The following AK3 variants were observed in gnomAD, a reference collection of about 807,000 sequenced individuals.
AK3 encodes adenylate kinase 3, also known as GTP:AMP phosphotransferase AK3, mitochondrial.
A neutral mutation model predicts 23.7 loss-of-function variants in AK3; 27 were observed. The ratio of observed to expected loss-of-function variants is 1.14; its 90% CI spans 0.84 to 1.57. The LOEUF (loss-of-function observed/expected upper bound fraction) is 1.57, where lower values mean the gene tolerates loss of function less well. Among genes scored for constraint, AK3 ranks in the 40% most tolerant of loss-of-function variants. AK3 has a pLI of 0.00. For synonymous variants in AK3, 159 were observed against 116.0 expected, an observed-to-expected ratio of 1.37 and a Z score of -2.38; for missense variants, 406 against 285.6, an observed-to-expected ratio of 1.42 and a Z score of -3.04.
intron 1 of AK3, among the ~76,000 whole-genome samples, chr9:4,737,572 G>C (rs1842326014): frequency 1.3e-5 from 2 of 152,124 alleles, no homozygotes; most frequent in African/African-American, 4.8e-5. Context: ...AAATTAGCCA[G>C]CCACGGTGGT....
At chr9:4,720,484 G>C (rs575906586) in intron 2 of AK3, among the ~76,000 whole-genome samples, 1 of 152,260 alleles carries the variant, frequency 6.6e-6, no homozygotes, top group East Asian at 1.9e-4. Context: ...AGGAGTTTGA[G>C]ACCAGCCTGG....
At chr9:4,727,221 C>T (rs1222977143) in intron 1 of AK3, among the ~76,000 whole-genome samples, 2 of 152,090 alleles carry the variant, frequency 1.3e-5, no homozygotes, top group East Asian at 3.9e-4. Flanking sequence ...TGCATTAGTC[C>T]CTAGCAAGAG....
Position 4,720,759 on chromosome 9 carries a change from A to T in AK3, c.272-1452T>A, listed in dbSNP as rs182440279. Among the ~76,000 whole-genome samples the T allele has an allele frequency of 4.1e-4, 62 of 152,274 alleles. No homozygotes were observed. The East Asian group carries it at 0.011, about 28-fold the overall frequency. On this transcript the variant is annotated intron_variant, in intron 2 of 4. Transcript: ENST00000381809. ...TGTTAGAGCAAAAATATCATCTGAAAAATTACATTTTCTTGTTAACAATGA... is the reference window on the plus strand; with the variant it reads ...TGTTAGAGCAAAAATATCATCTGAATAATTACATTTTCTTGTTAACAATGA...
At chr9:4,727,998 T>C (rs1842056906) in intron 1 of AK3, among the ~76,000 whole-genome samples, 1 of 152,134 alleles carries the variant, frequency 6.6e-6, no homozygotes, top group Non-Finnish European at 1.5e-5. Flanking sequence ...ATCAATTAAG[T>C]TTGCCATCTT....
intron 1 of AK3, among the ~76,000 whole-genome samples, chr9:4,735,344 C>T (rs1277585685): frequency 5.9e-5 from 4 of 67,544 alleles, no homozygotes; most frequent in Non-Finnish European, 1.2e-4. Flanking sequence ...TATATATATA[C>T]ATATATAAAT....
At chr9:4,721,113 G>A (rs1841883688) in intron 2 of AK3, among the ~76,000 whole-genome samples, 1 of 152,130 alleles carries the variant, frequency 6.6e-6, no homozygotes, top group Non-Finnish European at 1.5e-5. Flanking sequence ...GTTTTAAAAA[G>A]GAGAAGATGC....
At chr9:4,737,066 T>C (rs1842311239) in intron 1 of AK3, among the ~76,000 whole-genome samples, 1 of 150,744 alleles carries the variant, frequency 6.6e-6, no homozygotes, top group Non-Finnish European at 1.5e-5. Context: ...CTACCATAGT[T>C]GAACTATTAT....
intron 1 of AK3, among the ~76,000 whole-genome samples, chr9:4,727,474 C>T (rs1450811078): frequency 2.0e-5 from 3 of 152,230 alleles, no homozygotes; most frequent in Admixed American, 1.3e-4. Context: ...CATGAACCAA[C>T]CTCTGCTAGC....
chr9:4,741,139 T>G lies in AK3; in HGVS notation c.-52A>C. ...CGGGTACCAGGGCTTTGGCCTGGCC[T>G]GCGCGCTCACCCGCTCGGCAGCCTG... On this transcript the variant is annotated 5_prime_UTR_variant, in exon 1 of 5. Coordinates refer to ENST00000381809, the MANE Select transcript of AK3 (RefSeq NM_016282.4). 1.4e-6 allele frequency: 2 copies of G among 1,383,794 alleles called. No individual in the cohort carries two copies. Among genetic ancestry groups the G allele is most frequent in the Non-Finnish European group, 1.9e-6 (2 of 1,068,332 alleles). 85.7% of individuals were successfully genotyped at this position (1,383,794 alleles called of 1,614,324 possible). A position where few individuals can be genotyped will look rare whatever the true frequency, so the allele number is the denominator to read the frequency against.
At chr9:4,719,113 C>G (rs1841819478) in intron 3 of AK3, 22 bp downstream of exon 3, 1 of 1,611,312 alleles carries the variant, frequency 6.2e-7, no homozygotes, top group African/African-American at 1.3e-5. Flanking sequence ...TGCTATGTGA[C>G]AGTTCCACAA....
In AK3 at chr9:4,718,883, C is replaced by G. The variant is rs570673787; in HGVS notation, c.444+252G>C. 2.2e-4 allele frequency among the ~76,000 whole-genome samples: 33 copies of G among 152,332 alleles called. No homozygotes were observed. In the South Asian group the frequency reaches 6.8e-3, roughly 32 times the overall value. ...GTGTTATGAATCTCTATCAGCGCAA[C>G]TCCTAACACACTCCTTGGCAGAGCA... On this transcript the variant is annotated intron_variant, in intron 3 of 4. Transcript: ENST00000381809.
At chr9:4,715,134 G>A (rs1340571848) in intron 4 of AK3, among the ~76,000 whole-genome samples, 3 of 145,586 alleles carry the variant, frequency 2.1e-5, no homozygotes, top group Non-Finnish European at 3.0e-5. Context: ...CATAAGAATC[G>A]CTTGAACCTG....
At chr9:4,714,523 T>A (rs75894032) in intron 4 of AK3, among the ~76,000 whole-genome samples, 4,011 of 152,304 alleles carry the variant, frequency 0.026, 183 homozygotes, top group African/African-American at 0.089. Context: ...CACCTGGTAC[T>A]GCTTTCAAGG....
intron 3 of AK3, 113 bp from the exon 4 acceptor site, chr9:4,718,650 A>G: frequency 2.6e-6 from 2 of 782,986 alleles, no homozygotes; most frequent in Non-Finnish European, 2.0e-6. Context: ...AAGCACAAAA[A>G]TGTGCTAACT....
At chr9:4,740,916 C>T (rs1474926852) in intron 1 of AK3, 21 bp downstream of exon 1, 4 of 1,532,872 alleles carry the variant, frequency 2.6e-6, no homozygotes, top group Admixed American at 2.0e-5. Context: ...GCACGGCCGG[C>T]CCTGGGCCCA....
chr9:4,734,935 A>C (rs1256584501), intron 1 of AK3, among the ~76,000 whole-genome samples: 2 of 152,136 alleles, frequency 1.3e-5, no homozygotes, highest in African/African-American at 4.8e-5. Context: ...TTTGTATGAA[A>C]TGTCCAGTAC....
chr9:4,716,366 A>G (rs567144768), intron 4 of AK3, among the ~76,000 whole-genome samples: 1 of 152,308 alleles, frequency 6.6e-6, no homozygotes, highest in East Asian at 1.9e-4. Context: ...ATTGCTGACA[A>G]TGAATGATTT....
chr9:4,735,380 TAC>T (rs1334599103), intron 1 of AK3, among the ~76,000 whole-genome samples: 7 of 122,716 alleles, frequency 5.7e-5, no homozygotes, highest in Admixed American at 9.0e-5. Context: ...TAAATATATA[TAC>T]ATATATAAAT....
chr9:4,724,088 T>C (rs372183237), intron 1 of AK3, among the ~76,000 whole-genome samples: 1 of 152,212 alleles, frequency 6.6e-6, no homozygotes, highest in East Asian at 1.9e-4. Flanking sequence ...CGGGCTGTCA[T>C]GTGGCACGTG....
Sources: allele counts gnomAD v4.1 joint callset (sites outside exome capture counted in the v4.1 genomes callset), GRCh38; gene constraint gnomAD v4.1.1; transcripts MANE v1.5; gene names NCBI Gene and HGNC (gene_info 2026-07-23, HGNC 2026-07-21).